Variants in KHDRBS2 observed in about 807,000 individuals in gnomAD.
KHDRBS2 encodes the protein KH domain-containing, RNA-binding, signal transduction-associated protein 2.
A neutral mutation model predicts 44.3 loss-of-function variants in KHDRBS2; 26 were observed. That is an observed-to-expected ratio of 0.59 (90% CI 0.43 to 0.81). The LOEUF (loss-of-function observed/expected upper bound fraction) is 0.81, where lower values mean the gene tolerates loss of function less well. KHDRBS2 is among the 40% of genes least tolerant of loss of function. The pLI, the probability that KHDRBS2 is intolerant of heterozygous loss-of-function variation, is 0.00. For missense variants in KHDRBS2, 476 were observed against 433.1 expected (o/e 1.10, Z -0.88); for synonymous variants, 194 against 151.1 (o/e 1.28, Z -2.08).
At chr6:61,737,986 G>A (rs1775631815) in intron 6 of KHDRBS2, among the ~76,000 whole-genome samples, 2 of 151,948 alleles carry the variant, frequency 1.3e-5, no homozygotes, top group South Asian at 2.1e-4. Context: ...AAGCCAGTCA[G>A]TATCTGCCTG....
chr6:61,590,561 T>G, the KHDRBS2 span, among the ~76,000 whole-genome samples: 1 of 152,192 alleles, frequency 6.6e-6, no homozygotes, highest in African/African-American at 2.4e-5. Flanking sequence ...AGATATAAAT[T>G]AAATAATCCT....
At chr6:61,898,092 T>C (rs1207177784) in intron 5 of KHDRBS2, among the ~76,000 whole-genome samples, 1 of 152,108 alleles carries the variant, frequency 6.6e-6, no homozygotes, top group Non-Finnish European at 1.5e-5. Context: ...TTTAATTAAA[T>C]ACACTTTCAA....
chr6:61,929,372 G>C (rs1034969234), intron 4 of KHDRBS2, among the ~76,000 whole-genome samples: 2 of 152,152 alleles, frequency 1.3e-5, no homozygotes, highest in African/African-American at 2.4e-5. Flanking sequence ...AAAATTAAAA[G>C]TGAACATCAG....
chr6:61,975,760 A>C (rs1458606994), intron 4 of KHDRBS2, among the ~76,000 whole-genome samples: 6 of 152,104 alleles, frequency 3.9e-5, no homozygotes, highest in African/African-American at 1.4e-4. Context: ...TGGAACAATG[A>C]ATTATAATGT....
chr6:61,955,349 C>CAT (rs762601753), intron 4 of KHDRBS2, among the ~76,000 whole-genome samples: 7 of 100,840 alleles, frequency 6.9e-5, no homozygotes, highest in Admixed American at 9.0e-5. Context: ...TGTATGTATA[C>CAT]ATATATATGT....
the KHDRBS2 span, among the ~76,000 whole-genome samples, chr6:61,555,818 T>C: frequency 6.6e-6 from 1 of 152,222 alleles, no homozygotes; most frequent in African/African-American, 2.4e-5. Context: ...CTGGGCTATA[T>C]GCTTTAACTT....
chr6:62,139,052 T>C (rs1236753280), intron 2 of KHDRBS2, among the ~76,000 whole-genome samples: 3 of 152,106 alleles, frequency 2.0e-5, no homozygotes, highest in Non-Finnish European at 4.4e-5. Flanking sequence ...GAAAACAAAT[T>C]GCTTGATTTT....
chr6:62,208,580 C>T (rs531752181), intron 1 of KHDRBS2, among the ~76,000 whole-genome samples: 133 of 152,118 alleles, frequency 8.7e-4, no homozygotes, highest in African/African-American at 3.1e-3. Flanking sequence ...TATTTCACCT[C>T]TTTTGGGTAT....
At chr6:61,776,112 C>G (rs546887092) in intron 6 of KHDRBS2, among the ~76,000 whole-genome samples, 17 of 152,272 alleles carry the variant, frequency 1.1e-4, no homozygotes, top group African/African-American at 3.6e-4. Flanking sequence ...AACTGGATCC[C>G]TTCCTTACAC....
the KHDRBS2 span, chr6:61,661,223 T>C: frequency 6.6e-6 from 1 of 152,014 alleles, no homozygotes. Context: ...TGAAGTGTTC[T>C]GTACCTGTCT....
intron 3 of KHDRBS2, among the ~76,000 whole-genome samples, chr6:62,035,182 C>A (rs1458204795): frequency 2.0e-5 from 3 of 151,968 alleles, no homozygotes; most frequent in African/African-American, 4.8e-5. Context: ...AAAGACATAT[C>A]TGCACTTCTA....
At chr6:61,955,870 A>C (rs928685908) in intron 4 of KHDRBS2, among the ~76,000 whole-genome samples, 1 of 152,064 alleles carries the variant, frequency 6.6e-6, no homozygotes, top group African/African-American at 2.4e-5. Flanking sequence ...TTTTCTTCTT[A>C]TTCAATTTTA....
the KHDRBS2 span, among the ~76,000 whole-genome samples, chr6:61,636,231 A>T: frequency 1.3e-5 from 2 of 152,090 alleles, no homozygotes; most frequent in Non-Finnish European, 2.9e-5. Context: ...AAAATGAGAA[A>T]CATCCTCTTT....
intron 2 of KHDRBS2, among the ~76,000 whole-genome samples, chr6:62,101,580 T>C (rs905637521): frequency 1.3e-5 from 2 of 152,088 alleles, no homozygotes; most frequent in African/African-American, 2.4e-5. Flanking sequence ...CAGGGAAGAA[T>C]AGTAGGATTC....
chr6:62,036,013 G>T (rs1182506261), intron 3 of KHDRBS2, among the ~76,000 whole-genome samples: 1 of 151,880 alleles, frequency 6.6e-6, no homozygotes, highest in African/African-American at 2.4e-5. Flanking sequence ...CTCCTAAAAA[G>T]AATATTCCAG....
chr6:61,782,797 T>G (rs1783211438), intron 6 of KHDRBS2, among the ~76,000 whole-genome samples: 1 of 149,930 alleles, frequency 6.7e-6, no homozygotes, highest in Non-Finnish European at 1.5e-5. Context: ...ATATGGTCGG[T>G]CTGATCTAGG....
intron 1 of KHDRBS2, among the ~76,000 whole-genome samples, chr6:62,268,967 T>G (rs1839646838): frequency 1.3e-5 from 2 of 152,228 alleles, no homozygotes; most frequent in South Asian, 4.1e-4. Flanking sequence ...TCATTGTATT[T>G]ACACTGTATT....
chr6:61,823,295 T>C (rs1790284958), intron 6 of KHDRBS2, among the ~76,000 whole-genome samples: 1 of 152,060 alleles, frequency 6.6e-6, no homozygotes, highest in South Asian at 2.1e-4. Context: ...TCAGTTTATA[T>C]TGGAACCCTA....
chr6:61,668,812 A>G, the KHDRBS2 span, among the ~76,000 whole-genome samples: 1 of 151,010 alleles, frequency 6.6e-6, no homozygotes, highest in African/African-American at 2.4e-5. Context: ...ATAATAAGGT[A>G]TAAAATATAT....
Sources: gnomAD v4.1 joint callset for allele counts (sites outside exome capture counted in the v4.1 genomes callset) on GRCh38, gnomAD v4.1.1 for gene constraint, MANE v1.5 for transcripts, NCBI Gene and HGNC (gene_info 2026-07-23, HGNC 2026-07-21) for gene names.